P2RX5: variants seen among roughly 807,000 people sequenced by gnomAD.
P2RX5 encodes P2X purinoceptor 5.
P2RX5 carries 46 observed loss-of-function variants against 54.1 expected under a neutral mutation model. The ratio of observed to expected loss-of-function variants is 0.85; its 90% CI spans 0.67 to 1.09. The LOEUF is 1.09. P2RX5 is among the 50% of genes least tolerant of loss of function. The pLI, the probability that P2RX5 is intolerant of heterozygous loss-of-function variation, is 0.00. For missense variants in P2RX5, 566 were observed against 549.8 expected (o/e 1.03, Z -0.29); for synonymous variants, 226 against 226.4 (o/e 1.00, Z 0.02).
upstream of P2RX5, among the ~76,000 whole-genome samples, chr17:3,701,235 T>G (rs1205783068): frequency 6.6e-6 from 1 of 152,064 alleles, no homozygotes; most frequent in Non-Finnish European, 1.5e-5. Context: ...TTTTTGCAAT[T>G]TTTTGTTTTT....
chr17:3,675,945 G>A (rs2050093334), intron 11 of P2RX5: 1 of 985,354 alleles, frequency 1.0e-6, no homozygotes, highest in South Asian at 4.7e-5. Context: ...GCTCTAGGAG[G>A]GTTCCTGTTC....
chr17:3,723,584 G>T, the P2RX5 span: 1 of 1,251,388 alleles, frequency 8.0e-7, no homozygotes, highest in African/African-American at 1.5e-5. Context: ...GCAGCCCCCG[G>T]CACTGGCCGG....
intron 4 of P2RX5, 31 bp from the exon 5 acceptor site, chr17:3,690,554 A>G: frequency 6.2e-7 from 1 of 1,611,934 alleles, no homozygotes; most frequent in South Asian, 1.1e-5. Context: ...CAATGCCAGG[A>G]GCCTCCCACT....
upstream of P2RX5, among the ~76,000 whole-genome samples, chr17:3,701,134 T>C (rs911439567): frequency 1.3e-5 from 2 of 152,258 alleles, no homozygotes; most frequent in Non-Finnish European, 2.9e-5. Context: ...AGCCTTTGTC[T>C]AGTTCAAGCT....
upstream of P2RX5, among the ~76,000 whole-genome samples, chr17:3,697,278 C>A (rs966850870): frequency 2.6e-5 from 4 of 152,216 alleles, no homozygotes; most frequent in Non-Finnish European, 5.9e-5. Flanking sequence ...CTGATCCATG[C>A]AGCTATGACT....
chr17:3,699,853 A>G (rs985386253), upstream of P2RX5, among the ~76,000 whole-genome samples: 3 of 80,898 alleles, frequency 3.7e-5, no homozygotes, highest in African/African-American at 1.1e-4. Context: ...AGAAAAAGAA[A>G]AAAGAAAGAA....
the P2RX5 span, among the ~76,000 whole-genome samples, chr17:3,701,906 C>T: frequency 6.6e-6 from 1 of 152,030 alleles, no homozygotes; most frequent in African/African-American, 2.4e-5. Context: ...CAGGCACACA[C>T]CACCATGCCC....
At chr17:3,704,444 GA>G in the P2RX5 span, among the ~76,000 whole-genome samples, 2 of 152,182 alleles carry the variant, frequency 1.3e-5, no homozygotes, top group African/African-American at 4.8e-5. Context: ...GTCCTTCCAT[GA>G]CGGACATATC....
chr17:3,680,531 C>T (rs1699137), intron 10 of P2RX5, among the ~76,000 whole-genome samples: 3 of 133,956 alleles, frequency 2.2e-5, no homozygotes, highest in Non-Finnish European at 4.7e-5. Context: ...CTGCGTCCTC[C>T]ACCCAGCGTC....
the P2RX5 span, among the ~76,000 whole-genome samples, chr17:3,702,496 G>C: frequency 6.6e-6 from 1 of 151,916 alleles, no homozygotes; most frequent in Non-Finnish European, 1.5e-5. Flanking sequence ...CCACGTTGTG[G>C]AAGTTTTGTT....
chr17:3,705,142 A>G, the P2RX5 span, among the ~76,000 whole-genome samples: 1 of 152,184 alleles, frequency 6.6e-6, no homozygotes, highest in African/African-American at 2.4e-5. Context: ...CCCCCACAGC[A>G]TGTGTGAACT....
chr17:3,715,391 G>A, the P2RX5 span, among the ~76,000 whole-genome samples: 1 of 152,096 alleles, frequency 6.6e-6, no homozygotes. Flanking sequence ...TTTCTAGAAG[G>A]GAGCTCACAG....
upstream of P2RX5, among the ~76,000 whole-genome samples, chr17:3,699,917 G>GGAAGGAAGGAAGGAAGGAAA (rs1555571319): frequency 4.0e-5 from 3 of 75,430 alleles, no homozygotes; most frequent in Admixed American, 2.5e-4. Context: ...AAGGAAGGAA[G>GGAAGGAAGGAAGGAAGGAAA]GAAAGAAAGA....
At chr17:3,710,088 T>G in the P2RX5 span, among the ~76,000 whole-genome samples, 1 of 151,974 alleles carries the variant, frequency 6.6e-6, no homozygotes, top group Non-Finnish European at 1.5e-5. Flanking sequence ...TCCTTGTAAA[T>G]GTATTAGAGA....
the P2RX5 span, among the ~76,000 whole-genome samples, chr17:3,709,910 AAAAACAAACAAAGAAAAACAAAAC>A: frequency 6.6e-6 from 1 of 152,208 alleles, no homozygotes; most frequent in African/African-American, 2.4e-5. Flanking sequence ...CTCTGTCTCA[AAAAACAAACAAAGAAAAACAAAAC>A]AAAACAAACA....
intron 9 of P2RX5, among the ~76,000 whole-genome samples, chr17:3,683,352 C>T (rs1404333896): frequency 6.6e-6 from 1 of 152,240 alleles, no homozygotes; most frequent in Non-Finnish European, 1.5e-5. Context: ...CCAAACCTAA[C>T]CTTGACCACC....
chr17:3,682,476 G>A (rs1012023047), intron 9 of P2RX5: 7 of 207,566 alleles, frequency 3.4e-5, no homozygotes, highest in Non-Finnish European at 6.0e-5. Context: ...CATTACGGAG[G>A]GAGGAACAAG....
At chr17:3,704,618 C>T in the P2RX5 span, among the ~76,000 whole-genome samples, 36 of 152,288 alleles carry the variant, frequency 2.4e-4, no homozygotes, top group Admixed American at 1.4e-3. Context: ...ACTCAGTACC[C>T]AGCGCCCAAT....
intron 9 of P2RX5, among the ~76,000 whole-genome samples, chr17:3,684,993 G>A (rs1020490658): frequency 6.6e-6 from 1 of 151,980 alleles, no homozygotes; most frequent in Non-Finnish European, 1.5e-5. Flanking sequence ...TTACAAGCAT[G>A]TGCCACCACA....
Sources: allele counts gnomAD v4.1 joint callset (sites outside exome capture counted in the v4.1 genomes callset), GRCh38; gene constraint gnomAD v4.1.1; transcripts MANE v1.5; gene names NCBI Gene and HGNC (gene_info 2026-07-23, HGNC 2026-07-21).